Variants in FHIT observed in about 807,000 individuals in gnomAD.
FHIT encodes fragile histidine triad diadenosine triphosphatase.
In FHIT, 19 loss-of-function variants were observed where a neutral mutation model predicts 17.9. The observed-to-expected ratio is 1.06, with a 90% confidence interval of 0.74 to 1.56. The LOEUF is 1.56. Ranked by LOEUF, FHIT falls within the 40% of genes most tolerant of loss-of-function variation. The pLI, the probability that FHIT is intolerant of heterozygous loss-of-function variation, is 0.00. For missense variants in FHIT, 248 were observed against 189.2 expected (o/e 1.31, Z -1.82); for synonymous variants, 81 against 69.7 (o/e 1.16, Z -0.81).
At chr3:60,965,257 C>T (rs970891575) in intron 3 of FHIT, among the ~76,000 whole-genome samples, 2 of 152,126 alleles carry the variant, frequency 1.3e-5, no homozygotes, top group Non-Finnish European at 2.9e-5. Context: ...TCACGTAGTT[C>T]TCATGCCATG....
At chr3:60,092,881 A>C (rs1322031710) in intron 5 of FHIT, among the ~76,000 whole-genome samples, 4 of 152,258 alleles carry the variant, frequency 2.6e-5, no homozygotes, top group African/African-American at 9.6e-5. Flanking sequence ...AAGAGAAAAT[A>C]GATTGTGCAT....
intron 5 of FHIT, among the ~76,000 whole-genome samples, chr3:60,235,918 G>A (rs969542630): frequency 2.0e-5 from 3 of 152,064 alleles, no homozygotes; most frequent in South Asian, 2.1e-4. Flanking sequence ...TGGCTCCAGG[G>A]TTCATAGGGT....
At chr3:60,147,785 T>C (rs971330249) in intron 5 of FHIT, among the ~76,000 whole-genome samples, 8 of 152,200 alleles carry the variant, frequency 5.3e-5, no homozygotes, top group Non-Finnish European at 7.3e-5. Flanking sequence ...TGCCTGCTAA[T>C]TGCTGAATGT....
intron 7 of FHIT, among the ~76,000 whole-genome samples, chr3:60,005,034 C>G (rs185546278): frequency 8.2e-4 from 125 of 152,228 alleles, no homozygotes; most frequent in African/African-American, 2.7e-3. Flanking sequence ...GTTCATGCAC[C>G]TGGTAGGCGA....
chr3:60,153,706 G>A (rs767879300), intron 5 of FHIT, among the ~76,000 whole-genome samples: 11 of 152,102 alleles, frequency 7.2e-5, no homozygotes, highest in Middle Eastern at 3.2e-3. Flanking sequence ...CTGATTTTAG[G>A]GCAAATTTTA....
chr3:61,106,756 G>A (rs1368819525), intron 2 of FHIT, among the ~76,000 whole-genome samples: 1 of 152,110 alleles, frequency 6.6e-6, no homozygotes, highest in Non-Finnish European at 1.5e-5. Flanking sequence ...CACCTCCTGG[G>A]TCCAAGTGAT....
intron 5 of FHIT, among the ~76,000 whole-genome samples, chr3:60,099,085 A>G (rs140425723): frequency 0.018 from 2,767 of 152,104 alleles, 78 homozygotes; most frequent in African/African-American, 0.063. Flanking sequence ...TCTTCACCCC[A>G]TCTCCCACTG....
At chr3:60,203,161 A>C (rs149235133) in intron 5 of FHIT, among the ~76,000 whole-genome samples, 189 of 152,304 alleles carry the variant, frequency 1.2e-3, no homozygotes, top group Non-Finnish European at 2.3e-3. Flanking sequence ...AACTATAGAG[A>C]GTTTGCATGA....
In FHIT at chr3:60,522,003, G is replaced by A. The variant is rs535452455; in HGVS notation, c.103+14857C>T. Reference sequence around the variant, plus strand: ...GATGACAAGGGAACAGGAATTGAAAGGAGGAAAACCAGGGACCCTGTGTAG... The same window carrying A: ...GATGACAAGGGAACAGGAATTGAAAAGAGGAAAACCAGGGACCCTGTGTAG... On this transcript the variant is annotated intron_variant, in intron 5 of 9. Coordinates refer to ENST00000492590, the MANE Select transcript of FHIT (RefSeq NM_002012.4). Among the ~76,000 whole-genome samples, 6 of 152,248 alleles carry A rather than the reference G, an allele frequency of 3.9e-5. No homozygotes were observed. The South Asian group carries it at 1.2e-3, about 32-fold the overall frequency.
intron 3 of FHIT, among the ~76,000 whole-genome samples, chr3:60,914,104 C>T (rs76811163): frequency 0.021 from 3,194 of 152,266 alleles, 116 homozygotes; most frequent in African/African-American, 0.074. Flanking sequence ...CAAGCTACCA[C>T]AGAGTATCTG....
intron 2 of FHIT, among the ~76,000 whole-genome samples, chr3:61,082,430 T>G (rs1267754485): frequency 6.6e-6 from 1 of 152,238 alleles, no homozygotes; most frequent in Non-Finnish European, 1.5e-5. Flanking sequence ...CTTTACTTTA[T>G]AAATATTTCA....
intron 4 of FHIT, among the ~76,000 whole-genome samples, chr3:60,769,133 G>C (rs1433160038): frequency 2.6e-5 from 4 of 151,906 alleles, no homozygotes; most frequent in Non-Finnish European, 4.4e-5. Flanking sequence ...AATTTAGTTG[G>C]TGCTCATGGG....
At position 61,236,218 on chromosome 3, in the gene FHIT, T is replaced by G. The variant is rs374056717; in HGVS notation, c.-213+15083A>C. Reference sequence around the variant, plus strand: ...AATATATAGTATATTATATTATATGTTATAATAATATAATATAGATATATA... The same window carrying G: ...AATATATAGTATATTATATTATATGGTATAATAATATAATATAGATATATA... On this transcript the variant is annotated intron_variant, in intron 1 of 9. Coordinates refer to ENST00000492590, the MANE Select transcript of FHIT (RefSeq NM_002012.4). 1.0e-3 allele frequency among the ~76,000 whole-genome samples: 153 copies of G among 148,022 alleles called. 3 individuals are homozygous for G. The South Asian group carries it at 0.031, about 30-fold the overall frequency.
rs559473321 is a variant in FHIT, at chr3:60,244,407, G to C, written c.104-230255C>G. ...GGATCTATAATTTCTCAGAGCTGTA[G>C]TAAATTAGTCACTTAAACTTATTAA... is the stretch of plus-strand genomic sequence containing the variant. On this transcript the variant is annotated intron_variant, in intron 5 of 9. Coordinates refer to ENST00000492590, the MANE Select transcript of FHIT (RefSeq NM_002012.4). 6.6e-5 allele frequency among the ~76,000 whole-genome samples: 10 copies of C among 152,142 alleles called. No individual in the cohort carries two copies. In the South Asian group the frequency reaches 2.1e-3, roughly 32 times the overall value.
Position 59,869,665 on chromosome 3 carries a change from A to G in FHIT, c.348+52681T>C, listed in dbSNP as rs186526112. Among the ~76,000 whole-genome samples, 25 of 140,674 alleles carry G rather than the reference A, an allele frequency of 1.8e-4. No homozygotes were observed. The East Asian group carries it at 4.2e-3, about 23-fold the overall frequency. 92.3% of individuals were successfully genotyped at this position (140,674 alleles called of 152,430 possible). On this transcript the variant is annotated intron_variant, in intron 8 of 9. Transcript: ENST00000492590. The stretch of plus-strand genomic sequence containing the variant: ...CCCAGCTAATTTTTTTTTTTTTTGT[A>G]TTTTTAGTAGAGACAGGGTTTCATC...
At chr3:59,893,650 A>G (rs1256128486) in intron 8 of FHIT, among the ~76,000 whole-genome samples, 1 of 152,234 alleles carries the variant, frequency 6.6e-6, no homozygotes, top group Admixed American at 6.5e-5. Context: ...GCAGCTGGAC[A>G]ATACCATTTC....
At chr3:60,889,669 T>G (rs891504773) in intron 3 of FHIT, among the ~76,000 whole-genome samples, 9 of 152,156 alleles carry the variant, frequency 5.9e-5, no homozygotes, top group Non-Finnish European at 1.2e-4. Context: ...ACCCTATAGC[T>G]GTATGGGTGG....
chr3:61,037,218 C>CT (rs1205796722), intron 3 of FHIT, among the ~76,000 whole-genome samples: 1 of 152,052 alleles, frequency 6.6e-6, no homozygotes, highest in Non-Finnish European at 1.5e-5. Flanking sequence ...GCCCAGTCTG[C>CT]TTTTTTTATG....
At chr3:60,833,094 G>T (rs1322034643) in intron 3 of FHIT, among the ~76,000 whole-genome samples, 2 of 152,254 alleles carry the variant, frequency 1.3e-5, no homozygotes, top group African/African-American at 4.8e-5. Context: ...CTGCCTTAGG[G>T]GTATAAGCCT....
Sources: gnomAD v4.1 joint callset for allele counts (sites outside exome capture counted in the v4.1 genomes callset) on GRCh38, gnomAD v4.1.1 for gene constraint, MANE v1.5 for transcripts, NCBI Gene and HGNC (gene_info 2026-07-23, HGNC 2026-07-21) for gene names.